Variants in SLX4IP observed in about 807,000 individuals in gnomAD.
SLX4IP encodes protein SLX4IP.
Under a neutral mutation model 32.9 loss-of-function variants are expected in SLX4IP, and 34 were observed. That is an observed-to-expected ratio of 1.03 (90% CI 0.79 to 1.38). The LOEUF is 1.38. Ranked by LOEUF, SLX4IP falls within the 40% of genes most tolerant of loss-of-function variation. The pLI is 0.00. For missense variants in SLX4IP, 444 were observed against 479.0 expected (o/e 0.93, Z 0.68); for synonymous variants, 172 against 171.7 (o/e 1.00, Z -0.01).
At position 10,606,289 on chromosome 20, in the gene SLX4IP, G is replaced by A. The variant is rs1447738896; in HGVS notation, c.405+4470G>A. Among the ~76,000 whole-genome samples the A allele has an allele frequency of 3.9e-5, 6 of 152,214 alleles. No homozygotes were observed. In the East Asian group the frequency reaches 1.2e-3, roughly 29 times the overall value. On this transcript the variant is annotated intron_variant, in intron 6 of 7. Coordinates refer to ENST00000334534, the MANE Select transcript of SLX4IP (RefSeq NM_001009608.3). ...TATGTTTTTAGAACAGAAGAAATAA[G>A]CTAATTAACATTTGACTGTGCACTG...
rs546099614 is a variant in SLX4IP, at chr20:10,510,360, C to T, written c.28-45871C>T. Among the ~76,000 whole-genome samples, 6 of 152,202 alleles carry T rather than the reference C, an allele frequency of 3.9e-5. No individual in the cohort carries two copies. In the East Asian group the frequency reaches 9.7e-4, roughly 25 times the overall value. On this transcript the variant is annotated intron_variant, in intron 2 of 7. Transcript: ENST00000334534. Reference sequence around the variant, plus strand: ...CAAGCCCTTAGGGTGCTAAAGAGTGCATGAGCCATACTCCTTGTGGCCACA... The same window carrying T: ...CAAGCCCTTAGGGTGCTAAAGAGTGTATGAGCCATACTCCTTGTGGCCACA...
chr20:10,473,172 G>C (rs536239885), intron 2 of SLX4IP, among the ~76,000 whole-genome samples: 3 of 152,226 alleles, frequency 2.0e-5, no homozygotes, highest in Non-Finnish European at 2.9e-5. Flanking sequence ...GCTGTTATAC[G>C]CTGTGGTGGT....
chr20:10,518,468 CT>C (rs1568720190), intron 2 of SLX4IP, among the ~76,000 whole-genome samples: 10 of 41,826 alleles, frequency 2.4e-4, no homozygotes, highest in South Asian at 1.5e-3. Context: ...CCTTCCTTTC[CT>C]TTCTTTTCCT....
rs2067151334 is a variant in SLX4IP at position 10,624,436 on chromosome 20, A to G, written c.*1057A>G. 1 of 152,184 alleles carries G rather than the reference A, an allele frequency of 6.6e-6. No homozygotes were observed. The highest frequency in any genetic ancestry group is 1.5e-5 in the Non-Finnish European group (1 of 68,034). The allele number at this position is 152,184 out of a possible 1,614,324, so 9.4% of individuals were successfully genotyped here. A position where few individuals can be genotyped will look rare whatever the true frequency, so the allele number is the denominator to read the frequency against. ...CACTGTCTCCAGTGGGCTTGATGAA[A>G]TGTCACATAGTGAATTGTAGCAATG... On this transcript the variant is annotated 3_prime_UTR_variant, in exon 8 of 8. Coordinates refer to ENST00000334534, the MANE Select transcript of SLX4IP (RefSeq NM_001009608.3).
intron 3 of SLX4IP, among the ~76,000 whole-genome samples, chr20:10,556,802 C>T (rs2066271570): frequency 6.6e-6 from 1 of 152,182 alleles, no homozygotes; most frequent in African/African-American, 2.4e-5. Flanking sequence ...AAATACTTGA[C>T]GGTGTTCCTT....
intron 2 of SLX4IP, among the ~76,000 whole-genome samples, chr20:10,463,700 A>C (rs890752039): frequency 1.3e-5 from 2 of 152,222 alleles, no homozygotes; most frequent in African/African-American, 2.4e-5. Flanking sequence ...ACAAAAGAAA[A>C]ATGATGCAAC....
At chr20:10,607,401 T>C (rs1165013731) in intron 6 of SLX4IP, among the ~76,000 whole-genome samples, 2 of 152,204 alleles carry the variant, frequency 1.3e-5, no homozygotes, top group East Asian at 3.8e-4. Context: ...AGTAGAAAGA[T>C]TAGTGGGACA....
In SLX4IP at chr20:10,585,858, T is replaced by A. The variant is rs970647510; in HGVS notation, c.239-12817T>A. ...CACCTGCCTCGGCCTCCCAAAATGCTGGAATTACAGGCATGAGCCACCGTG... is the reference window on the plus strand; with the variant it reads ...CACCTGCCTCGGCCTCCCAAAATGCAGGAATTACAGGCATGAGCCACCGTG... On this transcript the variant is annotated intron_variant, in intron 4 of 7. Coordinates refer to ENST00000334534, the MANE Select transcript of SLX4IP (RefSeq NM_001009608.3). 2.0e-5 allele frequency among the ~76,000 whole-genome samples: 3 copies of A among 152,276 alleles called. No individual in the cohort carries two copies. The South Asian group carries it at 6.2e-4, about 32-fold the overall frequency.
At chr20:10,571,140 C>A (rs973756372) in intron 4 of SLX4IP, among the ~76,000 whole-genome samples, 5 of 152,166 alleles carry the variant, frequency 3.3e-5, no homozygotes, top group African/African-American at 1.2e-4. Flanking sequence ...GCCTGCATCA[C>A]CCTTTTTTAT....
chr20:10,612,374 T>A (rs532492275), intron 6 of SLX4IP, among the ~76,000 whole-genome samples: 2 of 152,334 alleles, frequency 1.3e-5, no homozygotes, highest in South Asian at 4.1e-4. Context: ...ACCTCTGTGC[T>A]GGGACTCGTG....
chr20:10,446,609 T>C (rs1214803993), intron 1 of SLX4IP, among the ~76,000 whole-genome samples: 2 of 152,176 alleles, frequency 1.3e-5, no homozygotes, highest in Admixed American at 1.3e-4. Context: ...AGAGATCTAT[T>C]TTCTCTGCAC....
chr20:10,554,796 T>C (rs1272101773), intron 2 of SLX4IP, among the ~76,000 whole-genome samples: 1 of 152,182 alleles, frequency 6.6e-6, no homozygotes, highest in Non-Finnish European at 1.5e-5. Context: ...TTTAAAAATA[T>C]CAGTTTGTAG....
chr20:10,611,587 G>A (rs1480116987), intron 6 of SLX4IP, among the ~76,000 whole-genome samples: 1 of 152,166 alleles, frequency 6.6e-6, no homozygotes, highest in South Asian at 2.1e-4. Flanking sequence ...ATCTCTTTGA[G>A]GCTTGTTAGT....
chr20:10,558,658 C>G (rs2066296345), intron 3 of SLX4IP, among the ~76,000 whole-genome samples: 1 of 152,096 alleles, frequency 6.6e-6, no homozygotes, highest in Non-Finnish European at 1.5e-5. Context: ...GTCTTTGTAC[C>G]CAAACAGTTG....
chr20:10,458,132 AG>A (rs2065303455), intron 1 of SLX4IP, 43 bp from the exon 2 acceptor site: 1 of 1,301,070 alleles, frequency 7.7e-7, no homozygotes, highest in African/African-American at 1.5e-5. Context: ...CCAAATAAAA[AG>A]AAATTTTAAT....
chr20:10,620,864 T>A (rs1214486740), intron 6 of SLX4IP, among the ~76,000 whole-genome samples: 2 of 152,178 alleles, frequency 1.3e-5, no homozygotes, highest in African/African-American at 4.8e-5. Flanking sequence ...CACAAAATAT[T>A]CTTTGTTTTT....
intron 2 of SLX4IP, among the ~76,000 whole-genome samples, chr20:10,530,569 C>T (rs998108498): frequency 3.3e-5 from 5 of 152,082 alleles, no homozygotes; most frequent in South Asian, 2.1e-4. Context: ...CCTGACCACA[C>T]GTAAATTGAG....
At chr20:10,453,152 C>T (rs549722952) in intron 1 of SLX4IP, among the ~76,000 whole-genome samples, 1 of 152,154 alleles carries the variant, frequency 6.6e-6, no homozygotes, top group Non-Finnish European at 1.5e-5. Flanking sequence ...AAATGCTAGT[C>T]ATAACTGAAC....
chr20:10,557,296 G>A (rs1026931951), intron 3 of SLX4IP, among the ~76,000 whole-genome samples: 2 of 152,028 alleles, frequency 1.3e-5, no homozygotes, highest in East Asian at 1.9e-4. Context: ...AGATTTTATA[G>A]GATAATACAT....
Sources: allele counts gnomAD v4.1 joint callset (sites outside exome capture counted in the v4.1 genomes callset), GRCh38; gene constraint gnomAD v4.1.1; transcripts MANE v1.5; gene names NCBI Gene and HGNC (gene_info 2026-07-23, HGNC 2026-07-21).